NDRG2: variants seen among roughly 807,000 people sequenced by gnomAD.
NDRG2 encodes NDRG family member 2.
NDRG2 carries 34 observed loss-of-function variants against 58.2 expected under a neutral mutation model. The observed-to-expected ratio is 0.58, with a 90% CI of 0.44 to 0.78. The LOEUF (loss-of-function observed/expected upper bound fraction) is 0.78, where lower values mean the gene tolerates loss of function less well. Among genes scored for constraint, NDRG2 ranks in the 30% least tolerant of loss-of-function variants. NDRG2 has a pLI of 0.00. For missense variants in NDRG2, 434 were observed against 471.2 expected (o/e 0.92, Z 0.73); for synonymous variants, 187 against 175.9 (o/e 1.06, Z -0.50).
At chr14:21,053,237 C>T (rs1007777458) in intron 1 of NDRG2, among the ~76,000 whole-genome samples, 17 of 152,140 alleles carry the variant, frequency 1.1e-4, no homozygotes, top group African/African-American at 3.9e-4. Flanking sequence ...AATATCAGTA[C>T]TTTGGGAGGC....
At chr14:21,033,908 G>A (rs1254631109) in intron 1 of NDRG2, 1 of 1,614,090 alleles carries the variant, frequency 6.2e-7, no homozygotes, top group Non-Finnish European at 8.5e-7. Flanking sequence ...TGGTTAGGGT[G>A]CTATTGTAGT....
At chr14:21,069,208 G>A (rs1002348685) in intron 1 of NDRG2, among the ~76,000 whole-genome samples, 33 of 152,220 alleles carry the variant, frequency 2.2e-4, no homozygotes, top group Admixed American at 3.3e-4. Context: ...GCTCCTGGGA[G>A]ACCCCCCATC....
In NDRG2 at chr14:21,070,683, C is replaced by T; in HGVS notation, c.24+145G>A. 1.0e-6 allele frequency: 1 copy of T among 963,980 alleles called. No individual in the cohort carries two copies. The highest frequency in any genetic ancestry group is 1.5e-6 in the Non-Finnish European group (1 of 653,428). 59.7% of individuals were successfully genotyped at this position (963,980 alleles called of 1,614,324 possible). On this transcript the variant is annotated intron_variant, in intron 1 of 14. Transcript: ENST00000403829. The surrounding 1 kb of genome is among the most constrained non-coding windows in gnomAD (Gnocchi z 4.7). ...AATCCACACACCTCCCCGCTCCCCG[C>T]CCTCCTCTGTCCTGACCTGTGCCTT...
intron 1 of NDRG2, chr14:21,031,098 C>T (rs749515696): frequency 1.2e-6 from 2 of 1,614,152 alleles, no homozygotes; most frequent in Non-Finnish European, 1.7e-6. Context: ...GGGAAGAGTC[C>T]AGATGAAGTC....
chr14:21,063,533 C>CA (rs955958863), intron 1 of NDRG2, among the ~76,000 whole-genome samples: 17 of 149,620 alleles, frequency 1.1e-4, no homozygotes, highest in Middle Eastern at 3.4e-3. Context: ...ACACTAAGTA[C>CA]AAAAAAAAAG....
chr14:21,067,584 G>A (rs1242757166), intron 1 of NDRG2, among the ~76,000 whole-genome samples: 2 of 152,156 alleles, frequency 1.3e-5, no homozygotes, highest in Admixed American at 1.3e-4. Context: ...TAAAACAGGA[G>A]TTTGAGAAGC....
At chr14:21,031,766 G>A in intron 1 of NDRG2, 1 of 1,071,104 alleles carries the variant, frequency 9.3e-7, no homozygotes, top group Non-Finnish European at 1.3e-6. Context: ...TAAGAAAGCA[G>A]CACCCCATGC....
chr14:21,022,064 C>A lies in NDRG2; in HGVS notation c.342G>T (p.Leu114Phe), dbSNP rs1175688554. ...GMEEGAPVFP[L>F]GYQYPSLDQL... ...AGCAGTAACGACCTAACTCTTACCC[C>A]AAAGGGAACACAGGGGCTCCCTCTT... The change falls in exon 5 of 16, where the codon TTG becomes TTT. Residue 114 changes from leucine to phenylalanine, a missense_variant and splice_region_variant. Physicochemically the swap from Leu to Phe is conservative, Grantham distance 22. Transcript: ENST00000556147. The A allele has an allele frequency of 6.2e-7, 1 of 1,614,156 alleles. No individual in the cohort carries two copies. The highest frequency in any genetic ancestry group is 8.5e-7 in the Non-Finnish European group (1 of 1,180,032).
intron 7 of NDRG2, 39 bp downstream of exon 7, chr14:21,020,745 G>A: frequency 6.2e-7 from 1 of 1,612,244 alleles, no homozygotes; most frequent in Non-Finnish European, 8.5e-7. Flanking sequence ...TAATCAGTCT[G>A]GACCCTCCTT....
intron 1 of NDRG2, among the ~76,000 whole-genome samples, chr14:21,064,764 A>G (rs1886169781): frequency 6.6e-6 from 1 of 152,274 alleles, no homozygotes. Context: ...AACAAAGTCC[A>G]TAAGCGACTT....
At chr14:21,036,920 A>G (rs1240127810) in intron 1 of NDRG2, among the ~76,000 whole-genome samples, 1 of 152,234 alleles carries the variant, frequency 6.6e-6, no homozygotes, top group Non-Finnish European at 1.5e-5. Context: ...GCGGGTGCCA[A>G]TGCAGGGTGT....
chr14:21,031,975 T>TGGCAAG, intron 1 of NDRG2: 1 of 1,613,760 alleles, frequency 6.2e-7, no homozygotes, highest in Non-Finnish European at 8.5e-7. Context: ...TTGATGAGAG[T>TGGCAAG]GGCAAGGGCA....
intron 12 of NDRG2, 48 bp from the exon 13 acceptor site, chr14:21,018,552 G>A (rs367749706): frequency 3.4e-5 from 54 of 1,604,058 alleles, no homozygotes; most frequent in East Asian, 2.2e-4. Flanking sequence ...CCACTGTGGC[G>A]CCTCCCCCGT....
At chr14:21,025,164 A>C, upstream of NDRG2, 1 of 933,838 alleles carries the variant, frequency 1.1e-6, no homozygotes, top group Non-Finnish European at 1.3e-6. This position sits in a 1 kb window ranked among gnomAD's most constrained non-coding sequence, Gnocchi z 5.1. Context: ...CCCGCCCCAG[A>C]CCCCCAGTAA....
At chr14:21,059,075 G>A (rs1253988903) in intron 1 of NDRG2, among the ~76,000 whole-genome samples, 1 of 152,210 alleles carries the variant, frequency 6.6e-6, no homozygotes. Flanking sequence ...CTCATGTGAA[G>A]GGGTAGAGTG....
chr14:21,070,846 T>C lies in NDRG2; in HGVS notation c.6A>G (p.Glu2=). The C allele has an allele frequency of 6.5e-7, 1 of 1,535,604 alleles. No individual in the cohort carries two copies. Among genetic ancestry groups the C allele is most frequent in the African/African-American group, 1.4e-5 (1 of 73,142 alleles). ...AACTGACCTGCATGGAACCACCATT[T>C]TCCATCCCTGTCCCCAACCCGGTGA... The change falls in exon 1 of 15, where the codon GAA becomes GAG. Residue 2 remains glutamate, a synonymous_variant. Coordinates refer to the NDRG2 transcript ENST00000403829. The surrounding 1 kb of genome is among the most constrained non-coding windows in gnomAD (Gnocchi z 4.7).
chr14:21,031,080 G>A lies in NDRG2; in HGVS notation c.25-7759C>T, dbSNP rs780970569. 51 of 1,614,034 alleles carry A rather than the reference G, an allele frequency of 3.2e-5. No individual in the cohort carries two copies. Among genetic ancestry groups the A allele is most frequent in the Non-Finnish European group, 2.8e-5 (33 of 1,180,026 alleles). The stretch of plus-strand genomic sequence containing the variant: ...GCAGTGAAGGAACTGGGCCAGAAGC[G>A]CTTCAAAGGGAAGAGTCCAGATGAA... On this transcript the variant is annotated intron_variant, in intron 1 of 14. Transcript: ENST00000403829.
In NDRG2 at chr14:21,040,829, G is replaced by A. The variant is rs534701021; in HGVS notation, c.25-17508C>T. On this transcript the variant is annotated intron_variant, in intron 1 of 14. Transcript: ENST00000403829. ...GAGTCAGCGATTTCAACGATGTTAC[G>A]TAAAATTACTGACCACCAACCCCTA... Among the ~76,000 whole-genome samples, 22 of 152,234 alleles carry A rather than the reference G, an allele frequency of 1.4e-4. No homozygotes were observed. The South Asian group carries it at 3.1e-3, about 22-fold the overall frequency.
intron 1 of NDRG2, among the ~76,000 whole-genome samples, chr14:21,065,963 G>A (rs1236854096): frequency 1.3e-5 from 2 of 152,158 alleles, no homozygotes; most frequent in East Asian, 1.9e-4. Context: ...GCTGGGTGTG[G>A]TGGTGCAAGC....
Sources: gnomAD v4.1 joint callset for allele counts (sites outside exome capture counted in the v4.1 genomes callset) on GRCh38, gnomAD v4.1.1 for gene constraint, Gnocchi (gnomAD v3.1) non-coding constraint, MANE v1.5 for transcripts, NCBI Gene and HGNC (gene_info 2026-07-23, HGNC 2026-07-21) for gene names.